Variants in NEDD4L observed in about 807,000 individuals in gnomAD.
The protein encoded by NEDD4L is NEDD4 like E3 ubiquitin protein ligase.
NEDD4L carries 54 observed loss-of-function variants against 148.9 expected under a neutral mutation model. That is an observed-to-expected ratio of 0.36 (90% confidence interval 0.29 to 0.45). NEDD4L has a LOEUF of 0.45. Ranked by LOEUF, NEDD4L falls within the 20% of genes least tolerant of loss-of-function variation. NEDD4L has a pLI of 1.00. For missense variants in NEDD4L, 856 were observed against 1,233.8 expected, an observed-to-expected ratio of 0.69 and a Z score of 4.59; for synonymous variants, 433 against 440.7, an observed-to-expected ratio of 0.98 and a Z score of 0.22.
At chr18:58,343,582 A>G (rs1270409007) in intron 16 of NEDD4L, among the ~76,000 whole-genome samples, 1 of 152,140 alleles carries the variant, frequency 6.6e-6, no homozygotes, top group Admixed American at 6.5e-5. Flanking sequence ...GTACATTTTC[A>G]TGCCCTTGAT....
chr18:58,172,067 G>T (rs1352567441), intron 2 of NEDD4L, among the ~76,000 whole-genome samples: 2 of 152,140 alleles, frequency 1.3e-5, no homozygotes, highest in African/African-American at 4.8e-5. Context: ...GGCACAGAAG[G>T]TCATGGCTCT....
At chr18:58,049,788 GCAAC>G (rs1169333382) in intron 1 of NEDD4L, among the ~76,000 whole-genome samples, 1 of 151,840 alleles carries the variant, frequency 6.6e-6, no homozygotes, top group African/African-American at 2.4e-5. Flanking sequence ...GCCAGGCTGG[GCAAC>G]GTGGTGAAAC....
intron 1 of NEDD4L, among the ~76,000 whole-genome samples, chr18:58,163,109 C>T (rs1056716652): frequency 4.9e-4 from 75 of 152,166 alleles, no homozygotes; most frequent in African/African-American, 1.8e-3. Context: ...CTATGTTGCC[C>T]AGGCTAGAGT....
Position 58,351,040 on chromosome 18 carries a change from A to G in NEDD4L, c.1703A>G (p.Asp568Gly). The change falls in exon 18 of 31, where the codon GAT (aspartate) becomes GGT (glycine). Residue 568 changes from aspartate to glycine, a missense_variant. Asp to Gly is a moderately conservative substitution (Grantham distance 94). Transcript: ENST00000400345. ...IHLDGRTFYI[D>G]HNSKITQWED... ...TTGGATGGCCGAACGTTTTATATTG[A>G]TCATAGTAAGTAGGCGCTGTTATGG... 1 of 1,591,036 alleles carries G rather than the reference A, an allele frequency of 6.3e-7. No homozygotes were observed. The highest frequency in any genetic ancestry group is 8.6e-7 in the Non-Finnish European group (1 of 1,167,764).
intron 5 of NEDD4L, among the ~76,000 whole-genome samples, chr18:58,286,782 T>G (rs1378010265): frequency 2.0e-5 from 3 of 152,182 alleles, no homozygotes; most frequent in Admixed American, 1.3e-4. Flanking sequence ...CACCAGTAAG[T>G]GCTATGCTAG....
chr18:58,112,625 A>C (rs1386267134), intron 1 of NEDD4L, among the ~76,000 whole-genome samples: 1 of 152,118 alleles, frequency 6.6e-6, no homozygotes, highest in East Asian at 1.9e-4. Context: ...AGTAGCTGGG[A>C]TTACAGGCAT....
At chr18:58,083,886 A>G (rs765534180) in intron 1 of NEDD4L, among the ~76,000 whole-genome samples, 1 of 152,170 alleles carries the variant, frequency 6.6e-6, no homozygotes, top group Non-Finnish European at 1.5e-5. Flanking sequence ...ATGTTCCACC[A>G]TGCCTGGCTA....
At chr18:58,250,555 A>G (rs567559932) in intron 4 of NEDD4L, among the ~76,000 whole-genome samples, 34 of 152,326 alleles carry the variant, frequency 2.2e-4, no homozygotes, top group Admixed American at 2.0e-3. Flanking sequence ...CTAAACAGAT[A>G]GCAAACCCCA....
intron 1 of NEDD4L, among the ~76,000 whole-genome samples, chr18:58,119,985 G>A (rs1192718859): frequency 6.6e-6 from 1 of 152,176 alleles, no homozygotes; most frequent in East Asian, 1.9e-4. Flanking sequence ...TCGCATTGTG[G>A]AGCAAGCCAT....
At chr18:58,047,978 T>A (rs1304184672) in intron 1 of NEDD4L, among the ~76,000 whole-genome samples, 1 of 152,236 alleles carries the variant, frequency 6.6e-6, no homozygotes, top group African/African-American at 2.4e-5. Flanking sequence ...ACATTAGATA[T>A]GACATTAAGT....
At chr18:58,260,997 G>A (rs1275465102) in intron 5 of NEDD4L, among the ~76,000 whole-genome samples, 3 of 152,172 alleles carry the variant, frequency 2.0e-5, no homozygotes, top group Non-Finnish European at 2.9e-5. Context: ...TACCTGATTC[G>A]TGAACCAGGT....
intron 2 of NEDD4L, among the ~76,000 whole-genome samples, chr18:58,190,115 T>C (rs1351110168): frequency 6.6e-6 from 1 of 152,242 alleles, no homozygotes; most frequent in Non-Finnish European, 1.5e-5. Flanking sequence ...TTTTTCTGAA[T>C]TTCTAAATTT....
At chr18:58,085,219 C>T (rs1946913390) in intron 1 of NEDD4L, among the ~76,000 whole-genome samples, 1 of 152,130 alleles carries the variant, frequency 6.6e-6, no homozygotes, top group Admixed American at 6.6e-5. Flanking sequence ...CAATGGTTAT[C>T]TGTTGGGAGT....
At chr18:58,236,773 C>G (rs1044453390) in intron 2 of NEDD4L, among the ~76,000 whole-genome samples, 4 of 152,232 alleles carry the variant, frequency 2.6e-5, no homozygotes, top group Non-Finnish European at 5.9e-5. Flanking sequence ...CCTGTAATCC[C>G]AGCACTTTGG....
chr18:58,139,088 G>A (rs1001185957), intron 1 of NEDD4L, among the ~76,000 whole-genome samples: 1 of 152,168 alleles, frequency 6.6e-6, no homozygotes, highest in African/African-American at 2.4e-5. Flanking sequence ...TCCTTCAAAC[G>A]AAAATGCTTG....
intron 1 of NEDD4L, among the ~76,000 whole-genome samples, chr18:58,083,713 A>G (rs1455377782): frequency 6.6e-6 from 1 of 152,076 alleles, no homozygotes; most frequent in Non-Finnish European, 1.5e-5. Context: ...CAAAACAACA[A>G]CAACAGAAAA....
At position 58,213,844 on chromosome 18, in the gene NEDD4L, A is replaced by G. The variant is rs139179874; in HGVS notation, c.123-31583A>G. Among the ~76,000 whole-genome samples the G allele has an allele frequency of 5.8e-3, 875 of 152,012 alleles. 5 individuals are homozygous for G. Among genetic ancestry groups the G allele is most frequent in the African/African-American group, 0.02 (839 of 41,454 alleles). ...AGCATATTAATTGTGAGTATTTAACATTCTTCTTTGGTTTATTCTGAGACC... is the reference window on the plus strand; with the variant it reads ...AGCATATTAATTGTGAGTATTTAACGTTCTTCTTTGGTTTATTCTGAGACC... On this transcript the variant is annotated intron_variant, in intron 2 of 30. Transcript: ENST00000400345.
At chr18:58,364,547 A>G (rs531196831) in intron 20 of NEDD4L, among the ~76,000 whole-genome samples, 8 of 152,238 alleles carry the variant, frequency 5.3e-5, no homozygotes, top group Non-Finnish European at 1.2e-4. Flanking sequence ...TACATATCAA[A>G]TCACCTGAAG....
At chr18:58,380,054 T>C (rs1174524561) in intron 24 of NEDD4L, among the ~76,000 whole-genome samples, 1 of 144,792 alleles carries the variant, frequency 6.9e-6, no homozygotes, top group South Asian at 2.2e-4. Context: ...TGGGCCCATT[T>C]TTTCTTTTCT....
Sources: gnomAD v4.1 joint callset for allele counts (sites outside exome capture counted in the v4.1 genomes callset) on GRCh38, gnomAD v4.1.1 for gene constraint, MANE v1.5 for transcripts, NCBI Gene and HGNC (gene_info 2026-07-23, HGNC 2026-07-21) for gene names.